The following DRC5 variants were observed in gnomAD, a reference collection of about 807,000 sequenced individuals.
The protein encoded by DRC5 is dynein regulatory complex subunit 5.
At chr6:44,285,131 C>T in the DRC5 span, among the ~76,000 whole-genome samples, 7 of 152,216 alleles carry the variant, frequency 4.6e-5, no homozygotes, top group Non-Finnish European at 7.3e-5. Flanking sequence ...GTCTGGAACG[C>T]TCCTCCCTCT....
chr6:44,287,661 C>T, the DRC5 span: 3 of 1,614,126 alleles, frequency 1.9e-6, no homozygotes, highest in Non-Finnish European at 2.5e-6. Context: ...GGATATTGGC[C>T]CTGGGATGTG....
the DRC5 span, among the ~76,000 whole-genome samples, chr6:44,294,623 T>C: frequency 6.6e-6 from 1 of 151,272 alleles, no homozygotes; most frequent in Non-Finnish European, 1.5e-5. Context: ...CACATGCCTG[T>C]AATCCCAGCT....
At chr6:44,282,826 G>A in the DRC5 span, among the ~76,000 whole-genome samples, 7 of 120,042 alleles carry the variant, frequency 5.8e-5, no homozygotes, top group Admixed American at 2.1e-4. Context: ...TTTTTGAGAC[G>A]GAGTCTCGCT....
chr6:44,295,131 A>C, the DRC5 span, among the ~76,000 whole-genome samples: 3 of 152,154 alleles, frequency 2.0e-5, no homozygotes, highest in African/African-American at 7.2e-5. Context: ...CCAGTCAGAG[A>C]ATGCCAGAGT....
chr6:44,282,681 A>G, the DRC5 span: 1 of 725,800 alleles, frequency 1.4e-6, no homozygotes, highest in Non-Finnish European at 2.2e-6. Context: ...GGAGGGGGCC[A>G]GGCCTACCAG....
chr6:44,282,259 C>CAAG, the DRC5 span: 1 of 1,614,194 alleles, frequency 6.2e-7, no homozygotes, highest in South Asian at 1.1e-5. Context: ...AAGGCATGGG[C>CAAG]AAGAGCCTGG....
the DRC5 span, among the ~76,000 whole-genome samples, chr6:44,281,791 T>C: frequency 1.3e-5 from 2 of 152,366 alleles, no homozygotes; most frequent in Middle Eastern, 3.4e-3. Context: ...ATCGTAGCCT[T>C]GCCACTTGCT....
the DRC5 span, chr6:44,280,493 CA>C: frequency 8.6e-5 from 68 of 790,098 alleles, no homozygotes; most frequent in African/African-American, 1.1e-3. Flanking sequence ...AAAAGTTTCA[CA>C]AAACAATACT....
the DRC5 span, among the ~76,000 whole-genome samples, chr6:44,289,039 T>G: frequency 9.8e-5 from 10 of 102,054 alleles, no homozygotes; most frequent in African/African-American, 3.5e-4. Context: ...CAGGTGAAAT[T>G]AGCTTTTTTT....
chr6:44,292,097 G>C, the DRC5 span, among the ~76,000 whole-genome samples: 2 of 152,186 alleles, frequency 1.3e-5, no homozygotes, highest in African/African-American at 4.8e-5. Context: ...GCTGTGGCAG[G>C]CTCCATGTAA....
chr6:44,290,537 G>A, the DRC5 span, among the ~76,000 whole-genome samples: 2 of 152,184 alleles, frequency 1.3e-5, no homozygotes, highest in Non-Finnish European at 2.9e-5. Flanking sequence ...TTCCAGGAGT[G>A]ATGTGAAGGG....
the DRC5 span, among the ~76,000 whole-genome samples, chr6:44,281,050 C>T: frequency 9.2e-3 from 1,397 of 152,164 alleles, 23 homozygotes; most frequent in African/African-American, 0.031. Context: ...CGCGCATGCA[C>T]GTGTGTGTGC....
At chr6:44,284,437 C>A in the DRC5 span, among the ~76,000 whole-genome samples, 1 of 152,080 alleles carries the variant, frequency 6.6e-6, no homozygotes. Flanking sequence ...AAACCCAGGG[C>A]TGCAACTGCC....
the DRC5 span, among the ~76,000 whole-genome samples, chr6:44,281,532 A>G: frequency 6.6e-6 from 1 of 152,156 alleles, no homozygotes; most frequent in Non-Finnish European, 1.5e-5. Flanking sequence ...TTACAGGTGC[A>G]TGCCACCACA....
the DRC5 span, among the ~76,000 whole-genome samples, chr6:44,281,091 G>C: frequency 6.6e-6 from 1 of 152,182 alleles, no homozygotes; most frequent in Non-Finnish European, 1.5e-5. Flanking sequence ...GAGCAAGGCT[G>C]TTCTCATGGG....
the DRC5 span, chr6:44,280,513 T>C: frequency 1.4e-6 from 1 of 699,056 alleles, no homozygotes; most frequent in African/African-American, 1.8e-5. Context: ...CTTAACCTAT[T>C]TGTGACGCAT....
At chr6:44,290,735 G>A in the DRC5 span, among the ~76,000 whole-genome samples, 5 of 152,202 alleles carry the variant, frequency 3.3e-5, no homozygotes, top group Non-Finnish European at 7.4e-5. Context: ...AGGCTTGGCA[G>A]GGGGAGCCCC....
At chr6:44,287,651 G>A in the DRC5 span, 480 of 1,614,042 alleles carry the variant, frequency 3.0e-4, no homozygotes, top group Non-Finnish European at 3.8e-4. Flanking sequence ...CGCATCCGAC[G>A]GATATTGGCC....
the DRC5 span, chr6:44,282,200 C>CAGCT: frequency 6.2e-7 from 1 of 1,614,194 alleles, no homozygotes; most frequent in East Asian, 2.2e-5. Context: ...TGGGCTCAGA[C>CAGCT]AGCTCATTGC....
Sources: gnomAD v4.1 joint callset for allele counts (sites outside exome capture counted in the v4.1 genomes callset) on GRCh38, gnomAD v4.1.1 for gene constraint, MANE v1.5 for transcripts, NCBI Gene and HGNC (gene_info 2026-07-23, HGNC 2026-07-21) for gene names.